SGIP1: variants seen among roughly 807,000 people sequenced by gnomAD.
SGIP1 encodes the protein SH3-containing GRB2-like protein 3-interacting protein 1.
A neutral mutation model predicts 107.5 loss-of-function variants in SGIP1; 38 were observed. That is an observed-to-expected ratio of 0.35 (90% confidence interval 0.27 to 0.46). The LOEUF is 0.46. Ranked by LOEUF, SGIP1 falls within the 20% of genes least tolerant of loss-of-function variation. The pLI, the probability that SGIP1 is intolerant of heterozygous loss-of-function variation, is 1.00. For missense variants in SGIP1, 929 were observed against 1,019.5 expected (o/e 0.91, Z 1.21); for synonymous variants, 365 against 366.1 (o/e 1.00, Z 0.03).
chr1:66,641,515 C>T (rs573774730), intron 5 of SGIP1, among the ~76,000 whole-genome samples: 1 of 152,214 alleles, frequency 6.6e-6, no homozygotes, highest in African/African-American at 2.4e-5. Context: ...CCCTCTAGGA[C>T]ATAGGGTATA....
chr1:66,593,046 T>C (rs937005766), intron 1 of SGIP1, among the ~76,000 whole-genome samples: 2 of 151,918 alleles, frequency 1.3e-5, no homozygotes, highest in Non-Finnish European at 2.9e-5. Context: ...GACTGGCCTA[T>C]GTAGCCTTTT....
intron 1 of SGIP1, among the ~76,000 whole-genome samples, chr1:66,547,254 C>T (rs1418589085): frequency 1.3e-5 from 2 of 152,014 alleles, no homozygotes; most frequent in Non-Finnish European, 2.9e-5. Flanking sequence ...AGATAAGCAC[C>T]TTTCCAAATT....
chr1:66,561,043 A>G (rs2058861338), intron 1 of SGIP1, among the ~76,000 whole-genome samples: 1 of 152,068 alleles, frequency 6.6e-6, no homozygotes, highest in South Asian at 2.1e-4. Flanking sequence ...AACAACCCTG[A>G]AAGATTAGAT....
chr1:66,659,976 A>T, intron 7 of SGIP1: 1 of 85,090 alleles, frequency 1.2e-5, no homozygotes, highest in Non-Finnish European at 1.9e-5. Flanking sequence ...GAAAGAAAGA[A>T]AGAAAGAAAG....
chr1:66,556,401 G>A (rs1330579348), intron 1 of SGIP1, among the ~76,000 whole-genome samples: 1 of 152,090 alleles, frequency 6.6e-6, no homozygotes, highest in Non-Finnish European at 1.5e-5. Flanking sequence ...AGCTGTCCTA[G>A]GCAGCTCTTC....
chr1:66,701,801 C>A (rs2091937155), intron 18 of SGIP1, among the ~76,000 whole-genome samples: 1 of 152,176 alleles, frequency 6.6e-6, no homozygotes, highest in South Asian at 2.1e-4. Flanking sequence ...GATGTTAGAA[C>A]AGAAAGCCAG....
At position 66,741,278 on chromosome 1, in the gene SGIP1, G is replaced by A. The variant is rs761305056; in HGVS notation, c.2306G>A (p.Gly769Asp). 3.2e-6 allele frequency: 5 copies of A among 1,582,222 alleles called. No individual in the cohort carries two copies. Among genetic ancestry groups the A allele is most frequent in the East Asian group, 4.6e-5 (2 of 43,850 alleles). Residue 769 changes from glycine (G) to aspartate (D), a missense_variant, in exon 24 of 25, where the codon GGT becomes GAT. By Grantham distance (94) the Gly-to-Asp change is moderately conservative (BLOSUM62 -1). Transcript: ENST00000371037. Reference sequence around the variant, plus strand: ...ATAATGTGTTTTTTTTTAGGGGTGGGTTCTTTGTTGGCAAGATTTCAGTTA... The same window carrying A: ...ATAATGTGTTTTTTTTTAGGGGTGGATTCTTTGTTGGCAAGATTTCAGTTA... ...ISQKSENGGVGSLLARFQLSE... is the reference protein window; with the variant it reads ...ISQKSENGGVDSLLARFQLSE...
intron 1 of SGIP1, among the ~76,000 whole-genome samples, chr1:66,572,109 A>T (rs2060463500): frequency 6.6e-6 from 1 of 152,058 alleles, no homozygotes; most frequent in Non-Finnish European, 1.5e-5. Context: ...ATCGCCTGTC[A>T]AATGAATGCC....
intron 18 of SGIP1, among the ~76,000 whole-genome samples, chr1:66,701,046 C>G (rs188714040): frequency 6.6e-6 from 1 of 152,150 alleles, no homozygotes; most frequent in Non-Finnish European, 1.5e-5. Flanking sequence ...GTCTGACCTT[C>G]TTAAGCAGGT....
At chr1:66,620,459 G>A (rs2070740244) in intron 1 of SGIP1, among the ~76,000 whole-genome samples, 1 of 152,134 alleles carries the variant, frequency 6.6e-6, no homozygotes, top group South Asian at 2.1e-4. Context: ...CCACATGGCT[G>A]GGGAGGCCTC....
At chr1:66,672,399 A>G (rs1262867696) in intron 11 of SGIP1, among the ~76,000 whole-genome samples, 1 of 152,188 alleles carries the variant, frequency 6.6e-6, no homozygotes, top group Non-Finnish European at 1.5e-5. Context: ...GGAATCTTCC[A>G]TTCTGTTTTT....
In SGIP1 at chr1:66,676,582, T is replaced by C. The variant is rs183765707; in HGVS notation, c.647-422T>C. Reference sequence around the variant, plus strand: ...GGAACCACTGCATAGAATGCAGGCGTTTTCAGTTTTGAAGCATATTTATAG... The same window carrying C: ...GGAACCACTGCATAGAATGCAGGCGCTTTCAGTTTTGAAGCATATTTATAG... On this transcript the variant is annotated intron_variant, in intron 12 of 24. Transcript: ENST00000371037. 1.4e-3 allele frequency among the ~76,000 whole-genome samples: 206 copies of C among 152,098 alleles called. 2 individuals are homozygous for C. The highest frequency in any genetic ancestry group is 4.9e-3 in the African/African-American group (203 of 41,384).
intron 1 of SGIP1, chr1:66,615,898 A>T (rs1337032756): frequency 6.6e-6 from 1 of 152,188 alleles, no homozygotes; most frequent in Non-Finnish European, 1.5e-5. Flanking sequence ...TAGTGTTTAA[A>T]GTATTCTCCT....
chr1:66,617,388 A>G (rs1209130479), intron 1 of SGIP1, among the ~76,000 whole-genome samples: 1 of 152,208 alleles, frequency 6.6e-6, no homozygotes, highest in Non-Finnish European at 1.5e-5. Flanking sequence ...ACTTCTGATG[A>G]CAAAGAATCT....
intron 18 of SGIP1, among the ~76,000 whole-genome samples, chr1:66,700,765 A>G (rs1483133797): frequency 1.3e-5 from 2 of 152,188 alleles, no homozygotes; most frequent in Non-Finnish European, 2.9e-5. Flanking sequence ...GCTATAGAAT[A>G]CTAACATTTA....
chr1:66,682,414 A>G (rs746497820), intron 15 of SGIP1, 45 bp downstream of exon 15: 19 of 1,565,668 alleles, frequency 1.2e-5, no homozygotes, highest in Non-Finnish European at 1.6e-5. Context: ...GGGAATGGCC[A>G]TGGCTGCTGC....
intron 1 of SGIP1, among the ~76,000 whole-genome samples, chr1:66,560,278 C>A (rs10889628): frequency 2.6e-5 from 4 of 151,804 alleles, no homozygotes; most frequent in Non-Finnish European, 5.9e-5. Flanking sequence ...AAATAAGTAC[C>A]CAGTTGATTT....
intron 11 of SGIP1, among the ~76,000 whole-genome samples, chr1:66,672,887 TGTG>T (rs1354108130): frequency 6.6e-6 from 1 of 152,108 alleles, no homozygotes; most frequent in Non-Finnish European, 1.5e-5. Flanking sequence ...AACAAAGAGA[TGTG>T]GTGAAATCAA....
At chr1:66,642,943 T>C (rs2077041173) in intron 6 of SGIP1, 79 bp downstream of exon 6, 1 of 1,244,978 alleles carries the variant, frequency 8.0e-7, no homozygotes, top group African/African-American at 1.5e-5. Flanking sequence ...TTTACAAAAG[T>C]AATAAAATAA....
Sources: gnomAD v4.1 joint callset for allele counts (sites outside exome capture counted in the v4.1 genomes callset) on GRCh38, gnomAD v4.1.1 for gene constraint, MANE v1.5 for transcripts, NCBI Gene and HGNC (gene_info 2026-07-23, HGNC 2026-07-21) for gene names.